KCNK13: variants seen among roughly 807,000 people sequenced by gnomAD.
KCNK13 encodes potassium two pore domain channel subfamily K member 13.
KCNK13 carries 12 observed loss-of-function variants against 23.4 expected under a neutral mutation model. That is an observed-to-expected ratio of 0.51 (90% CI 0.33 to 0.83). KCNK13 has a LOEUF of 0.83. KCNK13 is among the 40% of genes least tolerant of loss of function. The probability of loss-of-function intolerance (pLI) is 0.02; values close to 1 mark genes in which losing one functional copy is unlikely to be tolerated. For synonymous variants in KCNK13, 231 were observed against 229.5 expected, an observed-to-expected ratio of 1.01 and a Z score of -0.06; for missense variants, 463 against 556.3, an observed-to-expected ratio of 0.83 and a Z score of 1.69.
At chr14:90,140,285 A>G (rs185450716) in intron 1 of KCNK13, among the ~76,000 whole-genome samples, 5 of 152,250 alleles carry the variant, frequency 3.3e-5, no homozygotes, top group African/African-American at 1.2e-4. Flanking sequence ...GCCTGTTCTC[A>G]CCTATAAAAG....
In KCNK13 at chr14:90,184,924, G is replaced by T. The variant is rs143774295; in HGVS notation, c.1148G>T (p.Arg383Leu). 1.4e-5 allele frequency: 22 copies of T among 1,613,170 alleles called. No homozygotes were observed. Among genetic ancestry groups the T allele is most frequent in the Non-Finnish European group, 1.7e-5 (20 of 1,179,446 alleles). The change falls in exon 2 of 2, where the codon CGG (arginine) becomes CTG (leucine). Residue 383 changes from arginine to leucine, a missense_variant. By Grantham distance (102) the Arg-to-Leu change is moderately radical (BLOSUM62 -2). Coordinates refer to ENST00000282146, the MANE Select transcript of KCNK13 (RefSeq NM_022054.4). This position sits in a 1 kb window ranked among gnomAD's most constrained non-coding sequence, Gnocchi z 5.6. Reference protein sequence around the residue: ...GCPHQTSTLARDNEFSGGVGA... With the variant: ...GCPHQTSTLALDNEFSGGVGA... Reference sequence around the variant, plus strand: ...CCCCACCAGACCAGCACACTGGCCCGGGACAATGAATTCTCAGGGGGGGTG... The same window carrying T: ...CCCCACCAGACCAGCACACTGGCCCTGGACAATGAATTCTCAGGGGGGGTG...
chr14:90,088,838 G>T (rs1399811492), intron 1 of KCNK13, among the ~76,000 whole-genome samples: 1 of 152,184 alleles, frequency 6.6e-6, no homozygotes, highest in African/African-American at 2.4e-5. Flanking sequence ...TCATGATAGA[G>T]AATGAGTCTC....
At chr14:90,174,313 A>G (rs1890398521) in intron 1 of KCNK13, among the ~76,000 whole-genome samples, 1 of 152,120 alleles carries the variant, frequency 6.6e-6, no homozygotes, top group African/African-American at 2.4e-5. Context: ...TCTGTCTGAA[A>G]GACAATAAAA....
intron 1 of KCNK13, among the ~76,000 whole-genome samples, chr14:90,101,118 A>G (rs1889471419): frequency 6.6e-6 from 1 of 152,196 alleles, no homozygotes; most frequent in South Asian, 2.1e-4. Context: ...AGTCTGTAAC[A>G]TGGGCTGATA....
chr14:90,066,947 T>C (rs557762067), intron 1 of KCNK13, among the ~76,000 whole-genome samples: 2 of 151,378 alleles, frequency 1.3e-5, no homozygotes, highest in East Asian at 3.9e-4. Flanking sequence ...GTGGGCTACA[T>C]ACAATGGAAT....
chr14:90,154,642 A>G (rs1890174426), intron 1 of KCNK13, among the ~76,000 whole-genome samples: 4 of 152,256 alleles, frequency 2.6e-5, no homozygotes, highest in Admixed American at 2.6e-4. Context: ...CATACTCAGA[A>G]CTATCAGAGG....
chr14:90,106,420 C>G (rs1457540087), intron 1 of KCNK13, among the ~76,000 whole-genome samples: 1 of 151,540 alleles, frequency 6.6e-6, no homozygotes, highest in Non-Finnish European at 1.5e-5. Flanking sequence ...ACTAAAAATA[C>G]AAAAATTAGC....
chr14:90,178,548 C>T (rs938600688), intron 1 of KCNK13, among the ~76,000 whole-genome samples: 1 of 152,030 alleles, frequency 6.6e-6, no homozygotes, highest in Admixed American at 6.6e-5. Context: ...CCTCAGCCTC[C>T]CAAAGTGCTG....
chr14:90,095,790 A>G (rs1889403530), intron 1 of KCNK13, among the ~76,000 whole-genome samples: 1 of 152,092 alleles, frequency 6.6e-6, no homozygotes, highest in South Asian at 2.1e-4. Context: ...CTATCTGGAG[A>G]TCGAGTCAGA....
rs544401062 is a variant in KCNK13 at position 90,073,189 on chromosome 14, G to C, written c.334+10650G>C. On this transcript the variant is annotated intron_variant, in intron 1 of 1. Transcript: ENST00000282146. Reference sequence around the variant, plus strand: ...TTTTACAGTGTGGTGGCCCTTAGGTGACCTAGGATAGTCTAAGAAGACAGA... The same window carrying C: ...TTTTACAGTGTGGTGGCCCTTAGGTCACCTAGGATAGTCTAAGAAGACAGA... 5.3e-5 allele frequency among the ~76,000 whole-genome samples: 8 copies of C among 152,308 alleles called. 1 individual carries two copies. The highest frequency in any genetic ancestry group is 1.9e-4 in the African/African-American group (8 of 41,572).
At chr14:90,082,751 C>T (rs1073587) in intron 1 of KCNK13, among the ~76,000 whole-genome samples, 38,584 of 151,994 alleles carry the variant, frequency 0.25, 5,202 homozygotes, top group Non-Finnish European at 0.3. Context: ...TTTATAAAAA[C>T]GTATGTCCAC....
At chr14:90,170,728 A>G (rs1329017497) in intron 1 of KCNK13, among the ~76,000 whole-genome samples, 4 of 152,186 alleles carry the variant, frequency 2.6e-5, no homozygotes, top group Non-Finnish European at 5.9e-5. Context: ...TTTACATAAG[A>G]TGACGTAAAC....
chr14:90,157,608 G>A (rs1230275209), intron 1 of KCNK13, among the ~76,000 whole-genome samples: 1 of 151,748 alleles, frequency 6.6e-6, no homozygotes, highest in Non-Finnish European at 1.5e-5. Flanking sequence ...TATTGTCCAG[G>A]CTGGTCTCGA....
chr14:90,114,147 T>C (rs1487936525), intron 1 of KCNK13, among the ~76,000 whole-genome samples: 15 of 152,180 alleles, frequency 9.9e-5, no homozygotes, highest in Admixed American at 9.8e-4. Context: ...GTGGATCCCC[T>C]TAGCTGTGCC....
rs538695832 is a variant in KCNK13 at position 90,062,802 on chromosome 14, G to T, written c.334+263G>T. ...CTGCAGACCTGCCGAGTCAGAATCT[G>T]CATGTTAACAAAGTCCCCAAAGGAT... On this transcript the variant is annotated intron_variant, in intron 1 of 1. Coordinates refer to ENST00000282146, the MANE Select transcript of KCNK13 (RefSeq NM_022054.4). This position sits in a 1 kb window ranked among gnomAD's most constrained non-coding sequence, Gnocchi z 4.5. Among the ~76,000 whole-genome samples, 93 of 152,310 alleles carry T rather than the reference G, an allele frequency of 6.1e-4. No homozygotes were observed. Among genetic ancestry groups the T allele is most frequent in the African/African-American group, 2.1e-3 (87 of 41,572 alleles).
intron 1 of KCNK13, among the ~76,000 whole-genome samples, chr14:90,149,078 C>T (rs1298490204): frequency 6.6e-6 from 1 of 152,168 alleles, no homozygotes; most frequent in Admixed American, 6.6e-5. Flanking sequence ...GACGTTTGCC[C>T]AGGCACGGTG....
At chr14:90,143,146 ACTTTCTTTCTTT>A (rs577709163) in intron 1 of KCNK13, among the ~76,000 whole-genome samples, 1 of 115,752 alleles carries the variant, frequency 8.6e-6, no homozygotes, top group African/African-American at 3.1e-5. Flanking sequence ...AAGAGCAGAA[ACTTTCTTTCTTT>A]CTTTCTTTCT....
intron 1 of KCNK13, among the ~76,000 whole-genome samples, chr14:90,134,151 G>A (rs866285113): frequency 2.0e-5 from 3 of 151,654 alleles, no homozygotes; most frequent in African/African-American, 7.3e-5. Context: ...CCAGGAGTTC[G>A]AGGCTACAGT....
intron 1 of KCNK13, among the ~76,000 whole-genome samples, chr14:90,166,807 C>T (rs1878392565): frequency 6.6e-6 from 1 of 152,152 alleles, no homozygotes; most frequent in East Asian, 1.9e-4. Context: ...GAGTCCTCCC[C>T]AGAATCCTGG....
Sources: gnomAD v4.1 joint callset for allele counts (sites outside exome capture counted in the v4.1 genomes callset) on GRCh38, gnomAD v4.1.1 for gene constraint, Gnocchi (gnomAD v3.1) non-coding constraint, MANE v1.5 for transcripts, NCBI Gene and HGNC (gene_info 2026-07-23, HGNC 2026-07-21) for gene names.